The following FXN variants were observed in gnomAD, a reference collection of about 807,000 sequenced individuals.
FXN encodes frataxin, also known as frataxin, mitochondrial.
In FXN, 14 loss-of-function variants were observed where a neutral mutation model predicts 22.4. The observed-to-expected ratio is 0.62, with a 90% confidence interval of 0.41 to 0.98. FXN has a LOEUF of 0.98. FXN is among the 50% of genes least tolerant of loss of function. The pLI, the probability that FXN is intolerant of heterozygous loss-of-function variation, is 0.00. For synonymous variants in FXN, 120 were observed against 114.1 expected, an observed-to-expected ratio of 1.05 and a Z score of -0.33; for missense variants, 267 against 268.4, an observed-to-expected ratio of 0.99 and a Z score of 0.04.
intron 4 of FXN, among the ~76,000 whole-genome samples, chr9:69,070,983 T>C (rs1396480213): frequency 6.6e-6 from 1 of 152,028 alleles, no homozygotes; most frequent in Non-Finnish European, 1.5e-5. Context: ...TTTTTTTGTT[T>C]GTTTGTTTTT....
intron 1 of FXN, among the ~76,000 whole-genome samples, chr9:69,039,859 C>T (rs1253828961): frequency 6.6e-6 from 1 of 152,174 alleles, no homozygotes; most frequent in Non-Finnish European, 1.5e-5. Flanking sequence ...AGTCCAAAGT[C>T]AAGTCCCTTC....
intron 3 of FXN, among the ~76,000 whole-genome samples, chr9:69,055,970 A>C (rs1365986853): frequency 6.6e-6 from 1 of 152,148 alleles, no homozygotes; most frequent in Non-Finnish European, 1.5e-5. Context: ...TGCAGCCTCA[A>C]GCTTCTGGGC....
chr9:69,072,611 G>A lies in FXN; in HGVS notation c.483-1G>A. The A allele has an allele frequency of 6.2e-7, 1 of 1,614,094 alleles. No individual in the cohort carries two copies. The highest frequency in any genetic ancestry group is 8.5e-7 in the Non-Finnish European group (1 of 1,180,032). ...TACTATGCATTTGTTTTGTCTTCCA[G>A]TGGACCTAAGCGTTATGACTGGACT... On this transcript the variant is annotated splice_acceptor_variant, in intron 4 of 4. Transcript: ENST00000484259. LOFTEE classifies it high-confidence loss of function.
At chr9:69,064,580 G>A (rs1832136320) in intron 3 of FXN, among the ~76,000 whole-genome samples, 1 of 152,034 alleles carries the variant, frequency 6.6e-6, no homozygotes, top group African/African-American at 2.4e-5. Context: ...CCTCTAGTAT[G>A]TTCTGGTTGA....
chr9:69,065,469 A>G (rs1832151789), intron 4 of FXN, among the ~76,000 whole-genome samples: 1 of 148,408 alleles, frequency 6.7e-6, no homozygotes, highest in South Asian at 2.2e-4. Flanking sequence ...TGAGCCCAGG[A>G]GGTGGAGGTT....
intron 4 of FXN, among the ~76,000 whole-genome samples, chr9:69,071,835 C>T (rs1012677150): frequency 1.3e-5 from 2 of 152,134 alleles, no homozygotes; most frequent in Admixed American, 1.3e-4. Context: ...TCTGATTCAA[C>T]CAACCGTGGA....
chr9:69,062,455 A>C (rs1344158354), intron 3 of FXN, among the ~76,000 whole-genome samples: 1 of 152,180 alleles, frequency 6.6e-6, no homozygotes, highest in Non-Finnish European at 1.5e-5. Context: ...GTCATACCAA[A>C]ACAGTAAAAA....
intron 3 of FXN, among the ~76,000 whole-genome samples, chr9:69,058,932 G>A (rs191650252): frequency 6.6e-6 from 1 of 152,270 alleles, no homozygotes; most frequent in East Asian, 1.9e-4. Context: ...GCCGGGCGTG[G>A]TGGCAGGCAC....
rs995717701 is a variant in FXN at position 69,053,182 on chromosome 9, G to A, written c.306G>A (p.Thr102=). ...CCTATGAAAGACTAGCAGAGGAAAC[G>A]CTGGACTCTTTAGCAGAGTTTTTTG... The part of the protein sequence containing the change: ...ETTYERLAEE[T]LDSLAEFFED... The change falls in exon 3 of 5, where the codon ACG becomes ACA. Residue 102 remains threonine, a synonymous_variant. Transcript: ENST00000484259. The A allele has an allele frequency of 1.7e-5, 27 of 1,613,760 alleles. No individual in the cohort carries two copies. Among genetic ancestry groups the A allele is most frequent in the African/African-American group, 5.3e-5 (4 of 74,882 alleles).
At chr9:69,053,471 A>ATGGATGGATGGATGGATGGATGGATG (rs1587822034) in intron 3 of FXN, among the ~76,000 whole-genome samples, 1 of 140,266 alleles carries the variant, frequency 7.1e-6, no homozygotes, top group African/African-American at 2.8e-5. Context: ...ACTCTGTCAT[A>ATGGATGGATGGATGGATGGATGGATG]GATGGATGGA....
chr9:69,074,129 A>G lies in FXN; in HGVS notation c.*1367A>G, dbSNP rs2871218. On this transcript the variant is annotated 3_prime_UTR_variant, in exon 5 of 5. Transcript: ENST00000484259. ...GAACCCAGAGGTGGAGGTTGCAGTG[A>G]GCCGAGATCGTGCCATTGCACTGTA... 0.42 allele frequency: 220,223 copies of G among 522,480 alleles called. 47,398 individuals are homozygous for G. Among genetic ancestry groups the G allele is most frequent in the East Asian group, 0.56 (3,777 of 6,702 alleles). 32.4% of individuals were successfully genotyped at this position (522,480 alleles called of 1,614,324 possible). A position where few individuals can be genotyped will look rare whatever the true frequency, so the allele number is the denominator to read the frequency against.
At chr9:69,050,873 T>C (rs1268859762) in intron 2 of FXN, among the ~76,000 whole-genome samples, 1 of 151,462 alleles carries the variant, frequency 6.6e-6, no homozygotes, top group Non-Finnish European at 1.5e-5. Context: ...CTCCGCCTCC[T>C]GGGTTCAAGC....
chr9:69,048,947 T>A (rs1233001162), intron 2 of FXN, among the ~76,000 whole-genome samples: 1 of 152,232 alleles, frequency 6.6e-6, no homozygotes, highest in Non-Finnish European at 1.5e-5. Flanking sequence ...GCTGCATGTT[T>A]GAGGTTTTTG....
At chr9:69,035,968 CAGCCGCGGGCCGCA>C in intron 1 of FXN, 21 bp downstream of exon 1, 1 of 1,431,784 alleles carries the variant, frequency 7.0e-7, no homozygotes, top group Non-Finnish European at 9.1e-7. Context: ...GCGCCGGGAA[CAGCCGCGGGCCGCA>C]CGCCGCGGGC....
rs1832409465 is a variant in FXN at position 69,078,417 on chromosome 9, G to T, written c.*5655G>T. The T allele has an allele frequency of 1.0e-6, 1 of 985,218 alleles. No individual in the cohort carries two copies. Among genetic ancestry groups the T allele is most frequent in the South Asian group, 4.7e-5 (1 of 21,288 alleles). 61.0% of individuals were successfully genotyped at this position (985,218 alleles called of 1,614,324 possible). A position where few individuals can be genotyped will look rare whatever the true frequency, so the allele number is the denominator to read the frequency against. On this transcript the variant is annotated 3_prime_UTR_variant, in exon 5 of 5. Coordinates refer to ENST00000484259, the MANE Select transcript of FXN (RefSeq NM_000144.5). ...CTCATCATTTTTCACCTGCATTTTT[G>T]CAGGAGCTTTCTTATATCCACCTTC...
chr9:69,058,976 G>A (rs1360065946), intron 3 of FXN, among the ~76,000 whole-genome samples: 1 of 152,122 alleles, frequency 6.6e-6, no homozygotes, highest in African/African-American at 2.4e-5. Context: ...GCTGAGGCAG[G>A]AGAATGGTGT....
intron 3 of FXN, among the ~76,000 whole-genome samples, chr9:69,059,134 G>T (rs2133118884): frequency 1.3e-5 from 2 of 152,194 alleles, no homozygotes; most frequent in East Asian, 3.9e-4. Context: ...GTTACAGCTT[G>T]GTGTTTGCCT....
rs1403095625 is a variant in FXN, at chr9:69,072,321, T to TC, written c.483-290dup. 3.7e-4 allele frequency among the ~76,000 whole-genome samples: 56 copies of TC among 152,342 alleles called. 1 individual carries two copies. Among genetic ancestry groups the TC allele is most frequent in the Admixed American group, 3.6e-3 (55 of 15,302 alleles). On this transcript the variant is annotated intron_variant, in intron 4 of 4. Coordinates refer to ENST00000484259, the MANE Select transcript of FXN (RefSeq NM_000144.5). ...AAACACTGCTCCAGCATAGCAGGTATCACATGTGAGGTAGCAAAAGCTGGA... is the reference window on the plus strand; with the variant it reads ...AAACACTGCTCCAGCATAGCAGGTATCCACATGTGAGGTAGCAAAAGCTGGA...
At chr9:69,055,483 ACTT>A (rs753810872) in intron 3 of FXN, among the ~76,000 whole-genome samples, 16 of 150,254 alleles carry the variant, frequency 1.1e-4, no homozygotes, top group South Asian at 2.1e-4. Flanking sequence ...CGTTTGGTTT[ACTT>A]CTTCTTCTTC....
Sources: gnomAD v4.1 joint callset for allele counts (sites outside exome capture counted in the v4.1 genomes callset) on GRCh38, gnomAD v4.1.1 for gene constraint, MANE v1.5 for transcripts, NCBI Gene and HGNC (gene_info 2026-07-23, HGNC 2026-07-21) for gene names.